The following GALNT17 variants were observed in gnomAD, a reference collection of about 807,000 sequenced individuals.
GALNT17 encodes the protein polypeptide N-acetylgalactosaminyltransferase 17.
GALNT17 carries 29 observed loss-of-function variants against 63.7 expected under a neutral mutation model. The observed-to-expected ratio is 0.46, with a 90% CI of 0.34 to 0.62. GALNT17 has a LOEUF of 0.62. Ranked by LOEUF, GALNT17 falls within the 20% of genes least tolerant of loss-of-function variation. The pLI is 0.01. For missense variants in GALNT17, 603 were observed against 799.6 expected (o/e 0.75, Z 2.97); for synonymous variants, 305 against 318.3 (o/e 0.96, Z 0.45).
intron 5 of GALNT17, among the ~76,000 whole-genome samples, chr7:71,459,698 G>T (rs1787418223): frequency 6.6e-6 from 1 of 152,088 alleles, no homozygotes; most frequent in Non-Finnish European, 1.5e-5. Context: ...ATTGTGGGGG[G>T]GAAAATTGCA....
chr7:71,534,219 T>C (rs1199376695), intron 5 of GALNT17, among the ~76,000 whole-genome samples: 1 of 152,120 alleles, frequency 6.6e-6, no homozygotes, highest in Non-Finnish European at 1.5e-5. Context: ...CTTACAATCA[T>C]GGCAGAAGGA....
chr7:71,132,166 G>C lies in GALNT17; in HGVS notation c.-637G>C, dbSNP rs1236742298. ...ATTGAGACTTGAGCGTGACTGCGGA[G>C]CCTGGAGGATGCGGGCTCCCCGAGC... On this transcript the variant is annotated 5_prime_UTR_variant, in exon 1 of 11. Coordinates refer to ENST00000333538, the MANE Select transcript of GALNT17 (RefSeq NM_022479.3). 6.5e-6 allele frequency: 1 copy of C among 152,726 alleles called. No individual in the cohort carries two copies. The highest frequency in any genetic ancestry group is 1.5e-5 in the Non-Finnish European group (1 of 68,512). 9.5% of individuals were successfully genotyped at this position (152,726 alleles called of 1,614,324 possible). A position where few individuals can be genotyped will look rare whatever the true frequency, so the allele number is the denominator to read the frequency against.
At chr7:71,592,543 AAAT>A (rs1789820932) in intron 6 of GALNT17, among the ~76,000 whole-genome samples, 2 of 74,786 alleles carry the variant, frequency 2.7e-5, no homozygotes, top group African/African-American at 8.1e-5. Context: ...AAATAAAATA[AAAT>A]AGCATAGCAT....
At chr7:71,149,482 A>G (rs1218653046) in intron 1 of GALNT17, among the ~76,000 whole-genome samples, 1 of 151,950 alleles carries the variant, frequency 6.6e-6, no homozygotes, top group African/African-American at 2.4e-5. Context: ...GGGGGGCGAA[A>G]CGTGTGCTGG....
intron 3 of GALNT17, among the ~76,000 whole-genome samples, chr7:71,404,259 A>G (rs1053131820): frequency 6.6e-6 from 1 of 152,218 alleles, no homozygotes; most frequent in Non-Finnish European, 1.5e-5. Context: ...AGTGCCCCTC[A>G]TGAATGCACA....
intron 5 of GALNT17, among the ~76,000 whole-genome samples, chr7:71,562,234 G>A (rs1328500528): frequency 6.6e-6 from 1 of 152,126 alleles, no homozygotes; most frequent in Non-Finnish European, 1.5e-5. Flanking sequence ...CAAGTGCAAG[G>A]ATTACAGGTG....
At chr7:71,195,673 A>G (rs1268027932) in intron 1 of GALNT17, among the ~76,000 whole-genome samples, 1 of 145,858 alleles carries the variant, frequency 6.9e-6, no homozygotes, top group Admixed American at 6.8e-5. Context: ...TCAGCCTCCT[A>G]AGTAGCTGGG....
intron 5 of GALNT17, among the ~76,000 whole-genome samples, chr7:71,495,603 G>A (rs2116684838): frequency 6.6e-6 from 1 of 152,278 alleles, no homozygotes; most frequent in African/African-American, 2.4e-5. Flanking sequence ...GCCGAGGTCT[G>A]ATCCCCAGTG....
Position 71,295,330 on chromosome 7 carries a change from C to T in GALNT17, c.239-40220C>T, listed in dbSNP as rs1791058087. Among the ~76,000 whole-genome samples, 3 of 152,134 alleles carry T rather than the reference C, an allele frequency of 2.0e-5. No homozygotes were observed. In the South Asian group the frequency reaches 6.2e-4, roughly 32 times the overall value. On this transcript the variant is annotated intron_variant, in intron 1 of 10. Coordinates refer to ENST00000333538, the MANE Select transcript of GALNT17 (RefSeq NM_022479.3). ...AGGCAGCTATCTATTCCATTGCTTG[C>T]CCACCTTGAGGACCCTCAGCTTGCC...
At chr7:71,699,171 CAA>C (rs59124269) in intron 9 of GALNT17, among the ~76,000 whole-genome samples, 1,343 of 77,058 alleles carry the variant, frequency 0.017, 17 homozygotes, top group African/African-American at 0.061. Context: ...GACTCCATCT[CAA>C]AAAAAAAAAA....
intron 6 of GALNT17, among the ~76,000 whole-genome samples, chr7:71,592,738 C>G (rs1181337578): frequency 6.6e-6 from 1 of 152,024 alleles, no homozygotes; most frequent in Admixed American, 6.6e-5. Context: ...TGGGGGCTCC[C>G]CCTGATTGGA....
At chr7:71,561,519 A>G (rs1036920061) in intron 5 of GALNT17, among the ~76,000 whole-genome samples, 3 of 152,170 alleles carry the variant, frequency 2.0e-5, no homozygotes, top group African/African-American at 7.2e-5. Flanking sequence ...ACTAAGACCA[A>G]AGAAAACGGC....
Position 71,584,009 on chromosome 7 carries a change from A to G in GALNT17, c.1080+12607A>G, listed in dbSNP as rs939877286. ...TAGCCGGGCGTGGTGGCACGCGCCT[A>G]TAATCCCAGCTGCTCGGGAGGCTGA... is the stretch of plus-strand genomic sequence containing the variant. On this transcript the variant is annotated intron_variant, in intron 6 of 10. Coordinates refer to ENST00000333538, the MANE Select transcript of GALNT17 (RefSeq NM_022479.3). 7.2e-5 allele frequency among the ~76,000 whole-genome samples: 11 copies of G among 151,814 alleles called. No individual in the cohort carries two copies. The South Asian group carries it at 1.0e-3, about 14-fold the overall frequency.
At chr7:71,687,628 G>A (rs959382700) in intron 9 of GALNT17, among the ~76,000 whole-genome samples, 2 of 152,132 alleles carry the variant, frequency 1.3e-5, no homozygotes, top group African/African-American at 2.4e-5. Context: ...TTCCATCCAC[G>A]AAAACCCAAT....
chr7:71,237,070 T>C (rs939067899), intron 1 of GALNT17, among the ~76,000 whole-genome samples: 5 of 152,160 alleles, frequency 3.3e-5, no homozygotes, highest in African/African-American at 4.8e-5. Flanking sequence ...ACATTCTTTT[T>C]TGGGGGTCCA....
chr7:71,594,774 G>T (rs1789862208), intron 6 of GALNT17, among the ~76,000 whole-genome samples: 1 of 152,132 alleles, frequency 6.6e-6, no homozygotes, highest in African/African-American at 2.4e-5. Flanking sequence ...AATAGTAAAT[G>T]GTTTAAAATA....
At chr7:71,203,226 T>A (rs533945128) in intron 1 of GALNT17, among the ~76,000 whole-genome samples, 32 of 152,338 alleles carry the variant, frequency 2.1e-4, no homozygotes, top group African/African-American at 6.3e-4. Flanking sequence ...GCCTCCATAC[T>A]GTTTTCCATA....
At chr7:71,326,296 A>G (rs947973276) in intron 1 of GALNT17, among the ~76,000 whole-genome samples, 1 of 152,156 alleles carries the variant, frequency 6.6e-6, no homozygotes, top group Non-Finnish European at 1.5e-5. Flanking sequence ...CATCTCTACA[A>G]AAGTTAAGAA....
chr7:71,170,884 G>C (rs73361776), intron 1 of GALNT17, among the ~76,000 whole-genome samples: 2,209 of 151,800 alleles, frequency 0.015, 55 homozygotes, highest in African/African-American at 0.05. Flanking sequence ...TTACTTTATA[G>C]CTATTTTAAA....
Sources: allele counts gnomAD v4.1 joint callset (sites outside exome capture counted in the v4.1 genomes callset), GRCh38; gene constraint gnomAD v4.1.1; transcripts MANE v1.5; gene names NCBI Gene and HGNC (gene_info 2026-07-23, HGNC 2026-07-21).